The following SENP7 variants were observed in gnomAD, a reference collection of about 807,000 sequenced individuals.
SENP7 encodes the protein sentrin-specific protease 7.
SENP7 carries 64 observed loss-of-function variants against 141.2 expected under a neutral mutation model. That is an observed-to-expected ratio of 0.45 (90% CI 0.37 to 0.56). The LOEUF (loss-of-function observed/expected upper bound fraction) is 0.56, where lower values mean the gene tolerates loss of function less well. Among genes scored for constraint, SENP7 ranks in the 20% least tolerant of loss-of-function variants. SENP7 has a pLI of 0.00. For synonymous variants in SENP7, 382 were observed against 426.4 expected (o/e 0.90, Z 1.28); for missense variants, 1,025 against 1,212.2 (o/e 0.85, Z 2.29).
At chr3:101,354,889 T>C (rs531998592) in intron 11 of SENP7, among the ~76,000 whole-genome samples, 19 of 152,104 alleles carry the variant, frequency 1.2e-4, no homozygotes, top group Non-Finnish European at 2.8e-4. Context: ...CTCGTCAGCA[T>C]GTTGTTGACC....
At chr3:101,438,705 C>T (rs1033983643) in intron 4 of SENP7, among the ~76,000 whole-genome samples, 7 of 152,286 alleles carry the variant, frequency 4.6e-5, no homozygotes, top group South Asian at 2.1e-4. Context: ...TCAATAAAGT[C>T]GGTTTCAACG....
At chr3:101,422,536 T>G (rs2061821226) in intron 4 of SENP7, among the ~76,000 whole-genome samples, 1 of 152,222 alleles carries the variant, frequency 6.6e-6, no homozygotes, top group Non-Finnish European at 1.5e-5. Flanking sequence ...AACAGAGAAC[T>G]CCACCTAACC....
chr3:101,388,596 A>C (rs2060724970), intron 6 of SENP7, among the ~76,000 whole-genome samples: 1 of 152,212 alleles, frequency 6.6e-6, no homozygotes, highest in South Asian at 2.1e-4. Context: ...GAAAAAGGAA[A>C]CATGACATGT....
intron 4 of SENP7, 124 bp from the exon 5 acceptor site, chr3:101,417,914 C>A: frequency 5.6e-6 from 4 of 717,034 alleles, no homozygotes; most frequent in African/African-American, 1.8e-5. Flanking sequence ...AGTAAATACC[C>A]TAAGAAAAAA....
chr3:101,423,412 A>T (rs1027465410), intron 4 of SENP7, among the ~76,000 whole-genome samples: 34 of 152,196 alleles, frequency 2.2e-4, no homozygotes, highest in African/African-American at 7.7e-4. Flanking sequence ...AAGTGTTGGC[A>T]GGGGTGTGGA....
At chr3:101,382,402 T>C (rs1470442381) in intron 6 of SENP7, among the ~76,000 whole-genome samples, 2 of 152,138 alleles carry the variant, frequency 1.3e-5, no homozygotes, top group African/African-American at 4.8e-5. Context: ...CAGGCTGATC[T>C]TGAACTCCTG....
intron 4 of SENP7, among the ~76,000 whole-genome samples, chr3:101,425,676 C>T (rs550850247): frequency 4.7e-4 from 72 of 152,154 alleles, no homozygotes; most frequent in African/African-American, 1.7e-3. Flanking sequence ...GCTGAAATGA[C>T]AGAAATAGAA....
At chr3:101,401,358 G>A (rs753924029) in intron 5 of SENP7, among the ~76,000 whole-genome samples, 4 of 151,418 alleles carry the variant, frequency 2.6e-5, no homozygotes, top group South Asian at 4.2e-4. Flanking sequence ...GTGAAACCCC[G>A]TCTCTACTAA....
chr3:101,387,693 G>T (rs1197297576), intron 6 of SENP7, among the ~76,000 whole-genome samples: 1 of 152,122 alleles, frequency 6.6e-6, no homozygotes, highest in East Asian at 1.9e-4. Flanking sequence ...ATGAGGACAG[G>T]TACTTCCTGC....
At chr3:101,392,757 C>G (rs1464595808) in intron 6 of SENP7, among the ~76,000 whole-genome samples, 1 of 152,198 alleles carries the variant, frequency 6.6e-6, no homozygotes, top group Non-Finnish European at 1.5e-5. Flanking sequence ...AAGAACAATG[C>G]TGGAGGCATC....
At chr3:101,457,834 G>A (rs535260927) in intron 4 of SENP7, 13 of 562,046 alleles carry the variant, frequency 2.3e-5, no homozygotes, top group East Asian at 1.4e-4. Context: ...GATGCAAGAC[G>A]GCAGCTAAAG....
intron 16 of SENP7, 39 bp downstream of exon 16, chr3:101,340,047 CTCAGTAAAA>C (rs1559688186): frequency 6.8e-7 from 1 of 1,473,504 alleles, no homozygotes; most frequent in Admixed American, 2.6e-5. Context: ...TTTTAAGTTT[CTCAGTAAAA>C]TCTGTAAAAT....
At chr3:101,487,935 C>T (rs915712606) in intron 3 of SENP7, among the ~76,000 whole-genome samples, 1 of 152,084 alleles carries the variant, frequency 6.6e-6, no homozygotes, top group South Asian at 2.1e-4. Context: ...ATTGCTTTAG[C>T]TATTTGGGCT....
chr3:101,370,058 T>C (rs1319391384), intron 7 of SENP7, among the ~76,000 whole-genome samples: 2 of 152,174 alleles, frequency 1.3e-5, no homozygotes, highest in Non-Finnish European at 2.9e-5. Context: ...TGGTATCAGA[T>C]GTAGGAGAGT....
intron 4 of SENP7, among the ~76,000 whole-genome samples, chr3:101,433,990 C>T (rs1030484366): frequency 3.7e-4 from 56 of 152,016 alleles, no homozygotes; most frequent in African/African-American, 1.3e-3. Context: ...ACATTCTTTT[C>T]CTCAGCACAT....
At chr3:101,422,774 A>G (rs990694902) in intron 4 of SENP7, among the ~76,000 whole-genome samples, 1 of 152,154 alleles carries the variant, frequency 6.6e-6, no homozygotes, top group Non-Finnish European at 1.5e-5. Context: ...TATTTTACAT[A>G]TGAGAAATTT....
intron 3 of SENP7, among the ~76,000 whole-genome samples, chr3:101,489,240 C>A (rs1304547204): frequency 6.6e-6 from 1 of 152,148 alleles, no homozygotes; most frequent in African/African-American, 2.4e-5. Flanking sequence ...ACAGACACTA[C>A]AAAGCAACTA....
At chr3:101,422,609 C>G (rs2061823479) in intron 4 of SENP7, among the ~76,000 whole-genome samples, 1 of 152,016 alleles carries the variant, frequency 6.6e-6, no homozygotes, top group South Asian at 2.1e-4. Context: ...TAGAACCATC[C>G]AACTGTCTAT....
chr3:101,353,544 C>T (rs1243128383), intron 11 of SENP7, among the ~76,000 whole-genome samples: 2 of 151,940 alleles, frequency 1.3e-5, no homozygotes, highest in African/African-American at 4.8e-5. Flanking sequence ...AATTTTGTGG[C>T]AGTAAGGTAA....
Sources: allele counts gnomAD v4.1 joint callset (sites outside exome capture counted in the v4.1 genomes callset), GRCh38; gene constraint gnomAD v4.1.1; transcripts MANE v1.5; gene names NCBI Gene and HGNC (gene_info 2026-07-23, HGNC 2026-07-21).